Variants in NDUFA10 observed in about 807,000 individuals in gnomAD.
NDUFA10 encodes NADH dehydrogenase [ubiquinone] 1 alpha subcomplex subunit 10, mitochondrial.
In NDUFA10, 40 loss-of-function variants were observed where a neutral mutation model predicts 47.8. That is an observed-to-expected ratio of 0.84 (90% confidence interval 0.65 to 1.09). NDUFA10 has a LOEUF of 1.09. Among genes scored for constraint, NDUFA10 ranks in the 50% least tolerant of loss-of-function variants. NDUFA10 has a pLI of 0.00. For missense variants in NDUFA10, 413 were observed against 451.1 expected, an observed-to-expected ratio of 0.92 and a Z score of 0.76; for synonymous variants, 183 against 172.2, an observed-to-expected ratio of 1.06 and a Z score of -0.49.
At position 239,906,450 on chromosome 2, in the gene NDUFA10, G is replaced by A. The variant is rs1317579829; in HGVS notation, c.295-11136C>T. Among the ~76,000 whole-genome samples, 1 of 152,148 alleles carries A rather than the reference G, an allele frequency of 6.6e-6. No individual in the cohort carries two copies. Among genetic ancestry groups the A allele is most frequent in the Non-Finnish European group, 1.5e-5 (1 of 68,032 alleles). On this transcript the variant is annotated intron_variant, in intron 4 of 5. Transcript: ENST00000419408. This position sits in a 1 kb window ranked among gnomAD's most constrained non-coding sequence, Gnocchi z 4.3. ...GGGCTCCTGAAGCACCCCAGGCCTT[G>A]AGAACACCAGACGGGGGCCCCCACG...
At chr2:239,956,865 C>A (rs374917639), downstream of NDUFA10, among the ~76,000 whole-genome samples, 4 of 152,304 alleles carry the variant, frequency 2.6e-5, no homozygotes, top group East Asian at 7.8e-4. Flanking sequence ...TGACTCCTGC[C>A]CCAGCCAGCT....
At chr2:239,907,285 A>C (rs1693672690) in intron 4 of NDUFA10, among the ~76,000 whole-genome samples, 1 of 152,268 alleles carries the variant, frequency 6.6e-6, no homozygotes, top group Non-Finnish European at 1.5e-5. Context: ...CTTAAATGTT[A>C]GACCTAAAAC....
chr2:239,949,117 C>T (rs1694507083), intron 4 of NDUFA10, among the ~76,000 whole-genome samples: 1 of 152,176 alleles, frequency 6.6e-6, no homozygotes, highest in Non-Finnish European at 1.5e-5. Context: ...CTCATTATGA[C>T]CAGGATAGTG....
intron 6 of NDUFA10, 61 bp from the exon 7 acceptor site, chr2:240,007,431 A>G (rs1264611039): frequency 2.6e-6 from 3 of 1,137,884 alleles, no homozygotes; most frequent in Non-Finnish European, 1.3e-6. Flanking sequence ...TTAAATGTAC[A>G]AATGAATACA....
chr2:239,990,495 T>C (rs1332456161), intron 8 of NDUFA10, among the ~76,000 whole-genome samples: 1 of 152,204 alleles, frequency 6.6e-6, no homozygotes, highest in Non-Finnish European at 1.5e-5. Context: ...AAGTGTGCTT[T>C]AAACACAGGA....
rs1482910443 is a variant in NDUFA10 at position 240,024,782 on chromosome 2, G to A, written c.75+445C>T. Among the ~76,000 whole-genome samples, 3 of 152,222 alleles carry A rather than the reference G, an allele frequency of 2.0e-5. No individual in the cohort carries two copies. In the South Asian group the frequency reaches 6.2e-4, roughly 31 times the overall value. ...TAAGAAATGAGAGTAGTCAGTCAGA[G>A]TAAAGGCAAAAGGAAGCGGACACAA... On this transcript the variant is annotated intron_variant, in intron 1 of 9. Coordinates refer to ENST00000252711, the MANE Select transcript of NDUFA10 (RefSeq NM_004544.4).
At chr2:239,923,950 G>A (rs1267188597) in intron 4 of NDUFA10, among the ~76,000 whole-genome samples, 1 of 152,072 alleles carries the variant, frequency 6.6e-6, no homozygotes, top group African/African-American at 2.4e-5. Flanking sequence ...ATTAAAAGGA[G>A]CAAATATTAC....
chr2:240,025,238 C>T lies in NDUFA10; in HGVS notation c.64G>A (p.Ala22Thr). ...SASARVVAAG[A>T]QRVRGIHSSV... Reference sequence around the variant, plus strand: ...CGCCGCCCGCTCACCACGCGCTGGGCGCCCGCCGCCACGACCCGGGCGGAC... The same window carrying T: ...CGCCGCCCGCTCACCACGCGCTGGGTGCCCGCCGCCACGACCCGGGCGGAC... Residue 22 changes from alanine (A) to threonine (T), a missense_variant, in exon 1 of 10, where the codon GCC (alanine) becomes ACC (threonine). By Grantham distance (58) the Ala-to-Thr change is moderately conservative (BLOSUM62 0). Transcript: ENST00000252711. 1 of 1,447,148 alleles carries T rather than the reference C, an allele frequency of 6.9e-7. No individual in the cohort carries two copies. The highest frequency in any genetic ancestry group is 9.1e-7 in the Non-Finnish European group (1 of 1,097,848). The allele number at this position is 1,447,148 out of a possible 1,614,324, so 89.6% of individuals were successfully genotyped here.
Position 239,961,087 on chromosome 2 carries a change from T to C in NDUFA10, c.*31A>G. ...GCGGCTGATGCAGCTTGGCCATCAC[T>C]GTGATGCAGCTGGAGCAGAAGGCGG... On this transcript the variant is annotated 3_prime_UTR_variant, in exon 10 of 10. Transcript: ENST00000252711. The C allele has an allele frequency of 6.2e-7, 1 of 1,613,954 alleles. No individual in the cohort carries two copies. Among genetic ancestry groups the C allele is most frequent in the Non-Finnish European group, 8.5e-7 (1 of 1,179,956 alleles).
At position 239,959,223 on chromosome 2, in the gene NDUFA10, C is replaced by G. The variant is rs943689107; in HGVS notation, c.*1895G>C. The G allele has an allele frequency of 1.0e-6, 1 of 984,402 alleles. No individual in the cohort carries two copies. 61.0% of individuals were successfully genotyped at this position (984,402 alleles called of 1,614,324 possible). ...AAACACAGGGGATGATCAGAGCACC[C>G]GAGTCCACACCATGCCGACACGGAG... On this transcript the variant is annotated 3_prime_UTR_variant, in exon 10 of 10. Transcript: ENST00000252711.
At chr2:240,021,100 C>A in intron 3 of NDUFA10, 97 bp downstream of exon 3, 1 of 1,024,238 alleles carries the variant, frequency 9.8e-7, no homozygotes. Flanking sequence ...ATCAAACACC[C>A]TTAAAGGAAA....
At chr2:240,014,689 AT>A in intron 5 of NDUFA10, 49 bp downstream of exon 5, 1 of 1,613,360 alleles carries the variant, frequency 6.2e-7, no homozygotes, top group Non-Finnish European at 8.5e-7. Flanking sequence ...TTTAGTGCTG[AT>A]CTACATTCAA....
At chr2:239,967,711 T>C (rs558489269) in intron 9 of NDUFA10, among the ~76,000 whole-genome samples, 1 of 152,000 alleles carries the variant, frequency 6.6e-6, no homozygotes, top group Non-Finnish European at 1.5e-5. Context: ...CCAGGTGAGG[T>C]CGCAGAGGCA....
At chr2:239,973,223 A>G (rs1695371869) in intron 9 of NDUFA10, among the ~76,000 whole-genome samples, 1 of 152,162 alleles carries the variant, frequency 6.6e-6, no homozygotes, top group South Asian at 2.1e-4. Context: ...TAACTTATAA[A>G]CTGAAAATTT....
intron 4 of NDUFA10, among the ~76,000 whole-genome samples, chr2:239,905,721 C>CAGGACAG (rs1237883491): frequency 1.3e-5 from 2 of 151,708 alleles, no homozygotes; most frequent in Non-Finnish European, 2.9e-5. Context: ...AAGGTAGGCC[C>CAGGACAG]AGGACAGAGG....
At position 239,929,834 on chromosome 2, in the gene NDUFA10, C is replaced by T. The variant is rs546941676; in HGVS notation, c.295-34520G>A. On this transcript the variant is annotated intron_variant, in intron 4 of 5. Transcript: ENST00000419408. Reference sequence around the variant, plus strand: ...TCCTCCACTGCTCTTGCTCCTCCGCCGGCCCTGCTCTCCCACTGCCCCTGC... The same window carrying T: ...TCCTCCACTGCTCTTGCTCCTCCGCTGGCCCTGCTCTCCCACTGCCCCTGC... Among the ~76,000 whole-genome samples the T allele has an allele frequency of 1.9e-3, 285 of 146,748 alleles. 4 individuals are homozygous for T. The highest frequency in any genetic ancestry group is 6.4e-3 in the African/African-American group (252 of 39,628).
At chr2:239,926,770 C>T (rs778154537) in intron 4 of NDUFA10, among the ~76,000 whole-genome samples, 2 of 152,100 alleles carry the variant, frequency 1.3e-5, no homozygotes, top group South Asian at 2.1e-4. Flanking sequence ...AAGACAGTGA[C>T]GTCATATTAG....
intron 9 of NDUFA10, among the ~76,000 whole-genome samples, chr2:239,986,535 A>G (rs1432099752): frequency 6.6e-6 from 1 of 152,266 alleles, no homozygotes; most frequent in Non-Finnish European, 1.5e-5. Flanking sequence ...TTCAACAAAT[A>G]GAAACACAGA....
intron 1 of NDUFA10, among the ~76,000 whole-genome samples, chr2:240,024,444 T>A (rs1697769810): frequency 6.6e-6 from 1 of 152,190 alleles, no homozygotes; most frequent in South Asian, 2.1e-4. Flanking sequence ...TCTGTGGTTG[T>A]CAGGGGTTGG....
Sources: gnomAD v4.1 joint callset for allele counts (sites outside exome capture counted in the v4.1 genomes callset) on GRCh38, gnomAD v4.1.1 for gene constraint, Gnocchi (gnomAD v3.1) non-coding constraint, MANE v1.5 for transcripts, NCBI Gene and HGNC (gene_info 2026-07-23, HGNC 2026-07-21) for gene names.